Variants in SLA2 observed in about 807,000 individuals in gnomAD.
SLA2 encodes Src like adaptor 2, also known as src-like-adapter 2.
A neutral mutation model predicts 27.3 loss-of-function variants in SLA2; 22 were observed. The ratio of observed to expected loss-of-function variants is 0.81; its 90% confidence interval spans 0.58 to 1.15. The LOEUF is 1.15. Among genes scored for constraint, SLA2 ranks in the 50% most tolerant of loss-of-function variants. SLA2 has a pLI of 0.00. For synonymous variants in SLA2, 131 were observed against 137.8 expected (o/e 0.95, Z 0.34); for missense variants, 304 against 322.2 (o/e 0.94, Z 0.43).
At chr20:36,636,964 A>G (rs1362307602) in intron 2 of SLA2, among the ~76,000 whole-genome samples, 1 of 150,966 alleles carries the variant, frequency 6.6e-6, no homozygotes, top group African/African-American at 2.4e-5. Context: ...CCCCCCCCAA[A>G]AAAAGAAAAT....
intron 5 of SLA2, among the ~76,000 whole-genome samples, chr20:36,623,088 G>A (rs2039301291): frequency 6.6e-6 from 1 of 152,022 alleles, no homozygotes; most frequent in Non-Finnish European, 1.5e-5. Context: ...GGCCAACATG[G>A]TGAAACCCCC....
intron 5 of SLA2, among the ~76,000 whole-genome samples, chr20:36,619,220 GAAAAAAAAAAA>G (rs60021707): frequency 2.8e-5 from 2 of 71,296 alleles, no homozygotes; most frequent in East Asian, 4.9e-4. Context: ...GACTCTGGGG[GAAAAAAAAAAA>G]AAAAAAAAAA....
chr20:36,640,608 C>T (rs2039497155), intron 2 of SLA2, among the ~76,000 whole-genome samples: 1 of 151,696 alleles, frequency 6.6e-6, no homozygotes, highest in Admixed American at 6.6e-5. Flanking sequence ...CCTCTGCCTC[C>T]CGGGTTCAAG....
chr20:36,628,092 G>A (rs2039357775), intron 5 of SLA2, among the ~76,000 whole-genome samples: 1 of 152,150 alleles, frequency 6.6e-6, no homozygotes, highest in Admixed American at 6.6e-5. Flanking sequence ...CATCCAGAGA[G>A]CCTGTCCAAG....
chr20:36,637,007 G>A (rs1017760899), intron 2 of SLA2, among the ~76,000 whole-genome samples: 1 of 151,722 alleles, frequency 6.6e-6, no homozygotes, highest in African/African-American at 2.4e-5. Context: ...AGTGGTGACA[G>A]ATTAATACCT....
chr20:36,626,992 T>C (rs1309634266), intron 5 of SLA2, among the ~76,000 whole-genome samples: 1 of 152,074 alleles, frequency 6.6e-6, no homozygotes, highest in Non-Finnish European at 1.5e-5. Flanking sequence ...GGGAAGGCGA[T>C]AGTCTGGGTA....
In SLA2 at chr20:36,636,735, G is replaced by T. The variant is rs575086650; in HGVS notation, c.92-2146C>A. The stretch of plus-strand genomic sequence containing the variant: ...GGCCAAGGCAGGCAGATCGCCTGAG[G>T]TCGGGAGTTCCAGACCAGCCTGGCC... On this transcript the variant is annotated intron_variant, in intron 2 of 7. Coordinates refer to ENST00000262866, the MANE Select transcript of SLA2 (RefSeq NM_032214.4). 4.3e-4 allele frequency among the ~76,000 whole-genome samples: 64 copies of T among 150,574 alleles called. No individual in the cohort carries two copies. In the South Asian group the frequency reaches 0.013, roughly 30 times the overall value.
chr20:36,615,939 T>G (rs543337687), intron 5 of SLA2, among the ~76,000 whole-genome samples: 1 of 152,316 alleles, frequency 6.6e-6, no homozygotes, highest in South Asian at 2.1e-4. Flanking sequence ...GAATAAATTG[T>G]GGATTATAGA....
rs2039164546 is a variant in SLA2 at position 36,613,322 on chromosome 20, T to G, written c.*544A>C. On this transcript the variant is annotated 3_prime_UTR_variant, in exon 8 of 8. Coordinates refer to ENST00000262866, the MANE Select transcript of SLA2 (RefSeq NM_032214.4). ...TTTGCTCTGGAGGTCACATAGAGCC[T>G]GGACCATCCAAGATCTGCTGCTACG... is the stretch of plus-strand genomic sequence containing the variant. 1 of 153,136 alleles carries G rather than the reference T, an allele frequency of 6.5e-6. No homozygotes were observed. Among genetic ancestry groups the G allele is most frequent in the Non-Finnish European group, 1.5e-5 (1 of 68,760 alleles). 9.5% of individuals were successfully genotyped at this position (153,136 alleles called of 1,614,324 possible). A position where few individuals can be genotyped will look rare whatever the true frequency, so the allele number is the denominator to read the frequency against.
intron 5 of SLA2, among the ~76,000 whole-genome samples, chr20:36,623,776 G>C (rs1387340802): frequency 2.0e-5 from 3 of 152,134 alleles, no homozygotes; most frequent in Middle Eastern, 3.4e-3. Context: ...CTATAGGTGT[G>C]CACCACCACG....
intron 5 of SLA2, among the ~76,000 whole-genome samples, chr20:36,615,888 A>G (rs1416598278): frequency 6.6e-6 from 1 of 152,220 alleles, no homozygotes; most frequent in Admixed American, 6.5e-5. Context: ...ATTGTTTGTA[A>G]AAGTCAAAAA....
intron 1 of SLA2, among the ~76,000 whole-genome samples, chr20:36,645,328 C>T (rs1171423369): frequency 6.6e-6 from 1 of 151,800 alleles, no homozygotes; most frequent in Non-Finnish European, 1.5e-5. Context: ...AATTACGCCG[C>T]TGCACTCCAG....
Position 36,613,959 on chromosome 20 carries a change from T to C in SLA2, c.693A>G (p.Thr231=). ...CCTCACTGAGAAGAGACTCCTCCCC[T>C]GTGGCAGCTTCAGAAAACAGGAGGG... ...DSSLLFSEAA[T]GEESLLSEGL... is the part of the protein sequence containing the mutation. Residue 231 remains threonine (T), a synonymous_variant, in exon 8 of 8, where the codon ACA becomes ACG. Coordinates refer to ENST00000262866, the MANE Select transcript of SLA2 (RefSeq NM_032214.4). 6.2e-7 allele frequency: 1 copy of C among 1,614,030 alleles called. No homozygotes were observed. Among genetic ancestry groups the C allele is most frequent in the Non-Finnish European group, 8.5e-7 (1 of 1,179,956 alleles).
chr20:36,626,207 C>T (rs2039335339), intron 5 of SLA2, among the ~76,000 whole-genome samples: 1 of 152,024 alleles, frequency 6.6e-6, no homozygotes, highest in Admixed American at 6.6e-5. Context: ...TCCTGGCCAA[C>T]ATGGTGAAAC....
At chr20:36,643,945 C>G (rs1010739820) in intron 1 of SLA2, among the ~76,000 whole-genome samples, 7 of 152,078 alleles carry the variant, frequency 4.6e-5, no homozygotes, top group Non-Finnish European at 1.0e-4. Context: ...GAGCGAGACT[C>G]TGTACCCCCC....
intron 5 of SLA2, among the ~76,000 whole-genome samples, chr20:36,616,387 G>C (rs566461341): frequency 6.9e-6 from 1 of 144,592 alleles, no homozygotes. Context: ...CTGGAGTGCA[G>C]TGGTGCAATC....
chr20:36,620,436 C>A, intron 5 of SLA2: 1 of 222,686 alleles, frequency 4.5e-6, no homozygotes, highest in Non-Finnish European at 8.9e-6. Flanking sequence ...TTTGAGAGAC[C>A]TCTGAAAAGT....
rs185810215 is a variant in SLA2, at chr20:36,639,920, A to G, written c.91+1325T>C. Among the ~76,000 whole-genome samples the G allele has an allele frequency of 4.6e-3, 708 of 152,268 alleles. 4 individuals carry two copies. Among genetic ancestry groups the G allele is most frequent in the African/African-American group, 0.015 (624 of 41,560 alleles). ...GGATATTTTTATTGTTCAACTGTCC[A>G]AGAAACTGGGAGTTTTAGTCAAGAC... On this transcript the variant is annotated intron_variant, in intron 2 of 7. Transcript: ENST00000262866.
intron 5 of SLA2, among the ~76,000 whole-genome samples, chr20:36,628,508 C>T (rs549818838): frequency 6.6e-6 from 1 of 152,126 alleles, no homozygotes; most frequent in South Asian, 2.1e-4. Flanking sequence ...AGATCAGAAA[C>T]CCTGGAGGTG....
Sources: allele counts gnomAD v4.1 joint callset (sites outside exome capture counted in the v4.1 genomes callset), GRCh38; gene constraint gnomAD v4.1.1; transcripts MANE v1.5; gene names NCBI Gene and HGNC (gene_info 2026-07-23, HGNC 2026-07-21).